MAF: variants seen among roughly 807,000 people sequenced by gnomAD.
The protein encoded by MAF is transcription factor Maf.
In MAF, 10 loss-of-function variants were observed where a neutral mutation model predicts 22.0. The ratio of observed to expected loss-of-function variants is 0.45; its 90% CI spans 0.28 to 0.77. The LOEUF (loss-of-function observed/expected upper bound fraction) is 0.77. MAF is among the 30% of genes least tolerant of loss of function. The probability of loss-of-function intolerance (pLI) is 0.12; values close to 1 mark genes in which losing one functional copy is unlikely to be tolerated. For synonymous variants in MAF, 337 were observed against 255.8 expected, an observed-to-expected ratio of 1.32 and a Z score of -3.03; for missense variants, 544 against 548.4, an observed-to-expected ratio of 0.99 and a Z score of 0.08.
the MAF span, among the ~76,000 whole-genome samples, chr16:79,267,008 A>G: frequency 6.6e-6 from 1 of 152,218 alleles, no homozygotes; most frequent in Non-Finnish European, 1.5e-5. Context: ...TGAATGAATG[A>G]GTTACCATAG....
At chr16:79,259,831 G>A in the MAF span, among the ~76,000 whole-genome samples, 3 of 152,292 alleles carry the variant, frequency 2.0e-5, no homozygotes, top group Non-Finnish European at 4.4e-5. Flanking sequence ...CCCAGAGGAG[G>A]GTGGATTTGA....
chr16:79,564,431 G>A, the MAF span, among the ~76,000 whole-genome samples: 2 of 152,210 alleles, frequency 1.3e-5, no homozygotes, highest in Admixed American at 6.5e-5. Flanking sequence ...CCAGAGATAG[G>A]CAAGGGGGAA....
chr16:79,204,038 T>C, the MAF span: 3 of 152,176 alleles, frequency 2.0e-5, no homozygotes, highest in African/African-American at 7.2e-5. Flanking sequence ...TCAGATTTGT[T>C]CCATGTAGAA....
the MAF span, among the ~76,000 whole-genome samples, chr16:79,542,243 G>T: frequency 2.0e-5 from 3 of 152,134 alleles, no homozygotes; most frequent in Non-Finnish European, 4.4e-5. Flanking sequence ...AAGTCCAAGC[G>T]AGCTCCACGA....
the MAF span, among the ~76,000 whole-genome samples, chr16:79,437,549 G>A: frequency 1.3e-5 from 2 of 152,070 alleles, no homozygotes; most frequent in East Asian, 3.9e-4. Context: ...CCCAGAGCCA[G>A]CCACTGCACA....
At chr16:79,353,138 T>C in the MAF span, among the ~76,000 whole-genome samples, 5 of 148,992 alleles carry the variant, frequency 3.4e-5, no homozygotes, top group East Asian at 4.0e-4. Flanking sequence ...TTTTTTTTTT[T>C]CAAGACAGGG....
At chr16:79,284,903 C>G in the MAF span, among the ~76,000 whole-genome samples, 1 of 152,192 alleles carries the variant, frequency 6.6e-6, no homozygotes, top group Non-Finnish European at 1.5e-5. Flanking sequence ...CAGCTCTCCC[C>G]CCAGCCAACA....
At chr16:79,396,992 T>C in the MAF span, among the ~76,000 whole-genome samples, 2 of 152,240 alleles carry the variant, frequency 1.3e-5, no homozygotes, top group Non-Finnish European at 2.9e-5. Context: ...GCTGTGGCTA[T>C]GCACCTGCAC....
chr16:79,374,358 C>G, the MAF span, among the ~76,000 whole-genome samples: 3 of 152,162 alleles, frequency 2.0e-5, no homozygotes, highest in Non-Finnish European at 4.4e-5. Flanking sequence ...TCAATGAGCT[C>G]TGTAGAATTT....
At chr16:79,459,578 C>CT in the MAF span, among the ~76,000 whole-genome samples, 179 of 147,224 alleles carry the variant, frequency 1.2e-3, no homozygotes, top group Middle Eastern at 3.5e-3. Context: ...CTTATTCTCA[C>CT]TTTTTTTTTT....
the MAF span, among the ~76,000 whole-genome samples, chr16:79,386,327 A>G: frequency 6.6e-6 from 1 of 152,162 alleles, no homozygotes; most frequent in Non-Finnish European, 1.5e-5. Context: ...GGGTGATGGG[A>G]GACAGTGACA....
chr16:79,522,267 G>A, the MAF span, among the ~76,000 whole-genome samples: 26 of 152,290 alleles, frequency 1.7e-4, no homozygotes, highest in South Asian at 1.2e-3. Context: ...AGCTCCCCTG[G>A]GATAGAAGCC....
the MAF span, chr16:79,212,889 G>A: frequency 6.8e-6 from 1 of 147,842 alleles, no homozygotes; most frequent in Non-Finnish European, 1.5e-5. Flanking sequence ...CGATTAGCAT[G>A]CCAGCATATT....
the MAF span, among the ~76,000 whole-genome samples, chr16:79,419,407 A>C: frequency 1.3e-5 from 2 of 152,352 alleles, no homozygotes; most frequent in South Asian, 2.1e-4. Context: ...GAGGAAGTGG[A>C]AATTTCTGCT....
At chr16:79,465,503 G>T in the MAF span, among the ~76,000 whole-genome samples, 2 of 152,172 alleles carry the variant, frequency 1.3e-5, no homozygotes, top group Admixed American at 1.3e-4. Flanking sequence ...TGAGCTGGGA[G>T]GATCTCTTGA....
the MAF span, among the ~76,000 whole-genome samples, chr16:79,242,702 A>T: frequency 2.0e-5 from 3 of 152,082 alleles, no homozygotes; most frequent in African/African-American, 7.2e-5. Context: ...GACCAAGCAG[A>T]TCTAATAGAC....
At chr16:79,536,547 C>G in the MAF span, among the ~76,000 whole-genome samples, 2 of 152,254 alleles carry the variant, frequency 1.3e-5, no homozygotes, top group South Asian at 2.1e-4. Flanking sequence ...TAGGCTGAGG[C>G]AGGAGAATCG....
the MAF span, among the ~76,000 whole-genome samples, chr16:79,487,831 C>G: frequency 6.6e-6 from 1 of 152,176 alleles, no homozygotes; most frequent in Non-Finnish European, 1.5e-5. Flanking sequence ...ATCCCTCCCC[C>G]TTGCTCTTGA....
At chr16:79,270,271 T>C in the MAF span, among the ~76,000 whole-genome samples, 3 of 152,110 alleles carry the variant, frequency 2.0e-5, no homozygotes, top group Non-Finnish European at 4.4e-5. Context: ...GCCTGAGGGC[T>C]GCAGGGGGCT....
Sources: gnomAD v4.1 joint callset for allele counts (sites outside exome capture counted in the v4.1 genomes callset) on GRCh38, gnomAD v4.1.1 for gene constraint, MANE v1.5 for transcripts, NCBI Gene and HGNC (gene_info 2026-07-23, HGNC 2026-07-21) for gene names.